SAMD12: variants seen among roughly 807,000 people sequenced by gnomAD.
SAMD12 encodes the protein sterile alpha motif domain-containing protein 12.
SAMD12 carries 9 observed loss-of-function variants against 15.0 expected under a neutral mutation model. The observed-to-expected ratio is 0.60, with a 90% confidence interval of 0.36 to 1.05. The LOEUF (loss-of-function observed/expected upper bound fraction) is 1.05, where lower values mean the gene tolerates loss of function less well. Ranked by LOEUF, SAMD12 falls within the 50% of genes least tolerant of loss-of-function variation. The pLI, the probability that SAMD12 is intolerant of heterozygous loss-of-function variation, is 0.01. For synonymous variants in SAMD12, 86 were observed against 90.1 expected (o/e 0.96, Z 0.25); for missense variants, 230 against 234.2 (o/e 0.98, Z 0.12).
rs1828414243 is a variant in SAMD12, at chr8:118,621,747, G to T, written c.13+57C>A. 2.9e-5 allele frequency: 46 copies of T among 1,597,534 alleles called. No homozygotes were observed. The South Asian group carries it at 4.4e-4, about 15-fold the overall frequency. On this transcript the variant is annotated intron_variant, in intron 1 of 3. Coordinates refer to ENST00000314727, the MANE Select transcript of SAMD12 (RefSeq NM_207506.3). The stretch of plus-strand genomic sequence containing the variant: ...GATCGCCAAGCTTCATCGGGGATGT[G>T]TGCCTTGGGGTGCGCGGGTTAAGAG...
intron 4 of SAMD12, among the ~76,000 whole-genome samples, chr8:118,288,061 G>A (rs1446897888): frequency 1.3e-5 from 2 of 152,134 alleles, no homozygotes; most frequent in African/African-American, 4.8e-5. Context: ...AAGACCAAGC[G>A]TGGGCCTATG....
chr8:118,552,155 G>A (rs1684933744), intron 2 of SAMD12, among the ~76,000 whole-genome samples: 1 of 152,148 alleles, frequency 6.6e-6, no homozygotes, highest in South Asian at 2.1e-4. Flanking sequence ...GAAAAAGAGG[G>A]AATCCTCCCT....
At chr8:118,323,782 T>G (rs1404766144) in intron 4 of SAMD12, among the ~76,000 whole-genome samples, 1 of 151,936 alleles carries the variant, frequency 6.6e-6, no homozygotes, top group African/African-American at 2.4e-5. Context: ...TATGCCTCAC[T>G]TTCCTTCCCT....
chr8:118,252,859 T>C (rs1812851310), intron 4 of SAMD12, among the ~76,000 whole-genome samples: 1 of 152,178 alleles, frequency 6.6e-6, no homozygotes, highest in Non-Finnish European at 1.5e-5. Context: ...AAGTCCCACC[T>C]TTTATCCTTT....
chr8:118,414,716 G>T (rs1305961788), intron 3 of SAMD12, among the ~76,000 whole-genome samples: 2 of 152,120 alleles, frequency 1.3e-5, no homozygotes, highest in African/African-American at 2.4e-5. Flanking sequence ...GGCATTGCTT[G>T]TACGGCAGTA....
intron 3 of SAMD12, among the ~76,000 whole-genome samples, chr8:118,398,025 G>A (rs1820670650): frequency 1.3e-5 from 2 of 152,296 alleles, no homozygotes; most frequent in Admixed American, 6.5e-5. Context: ...CTGGGCTCAG[G>A]TGATCCACCT....
At chr8:118,198,998 TAAGTA>T (rs1184890618) in intron 4 of SAMD12, among the ~76,000 whole-genome samples, 4 of 152,180 alleles carry the variant, frequency 2.6e-5, no homozygotes, top group African/African-American at 9.6e-5. Context: ...AGATTTAGGT[TAAGTA>T]AATTATGGTA....
intron 2 of SAMD12, among the ~76,000 whole-genome samples, chr8:118,548,096 G>C (rs928280138): frequency 2.6e-5 from 4 of 152,108 alleles, no homozygotes; most frequent in African/African-American, 9.7e-5. Context: ...AAATTAGTGA[G>C]AGAATAGACA....
intron 3 of SAMD12, 77 bp downstream of exon 3, chr8:118,439,755 T>C (rs1255786660): frequency 2.8e-6 from 4 of 1,408,858 alleles, no homozygotes; most frequent in Non-Finnish European, 4.0e-6. Flanking sequence ...TGTTGTTTCA[T>C]GGTAAGGGTA....
intron 2 of SAMD12, among the ~76,000 whole-genome samples, chr8:118,480,141 C>CAGT (rs1207830383): frequency 1.3e-5 from 2 of 152,190 alleles, no homozygotes; most frequent in Non-Finnish European, 2.9e-5. Context: ...ATTCCAGCTT[C>CAGT]AGTAGCAGGG....
intron 4 of SAMD12, among the ~76,000 whole-genome samples, chr8:118,264,119 A>G (rs151180022): frequency 1.8e-4 from 28 of 152,232 alleles, no homozygotes; most frequent in African/African-American, 6.3e-4. Flanking sequence ...CATCAACACA[A>G]TCTTCTAGTT....
At chr8:118,416,613 A>G (rs937423506) in intron 3 of SAMD12, among the ~76,000 whole-genome samples, 7 of 152,204 alleles carry the variant, frequency 4.6e-5, no homozygotes, top group Non-Finnish European at 1.0e-4. Context: ...AATGGTACAC[A>G]ATTTCATTCA....
At chr8:118,180,208 A>C in the SAMD12 span, among the ~76,000 whole-genome samples, 24 of 152,312 alleles carry the variant, frequency 1.6e-4, no homozygotes, top group African/African-American at 3.6e-4. Flanking sequence ...CTGGAGAACT[A>C]GAATATCTAT....
In SAMD12 at chr8:118,200,425, C is replaced by G. The variant is rs1014432086; in HGVS notation, c.434-2693G>C. ...TACCAAAAAAAAAAAAAAAAAAAAT[C>G]AGAGGCTAAAATGAATTTATATTAG... is the stretch of plus-strand genomic sequence containing the variant. On this transcript the variant is annotated intron_variant, in intron 4 of 4. Coordinates refer to the SAMD12 transcript ENST00000409003. Among the ~76,000 whole-genome samples, 147 of 118,520 alleles carry G rather than the reference C, an allele frequency of 1.2e-3. 2 individuals carry two copies. Among genetic ancestry groups the G allele is most frequent in the African/African-American group, 4.6e-3 (144 of 31,034 alleles). The allele number at this position is 118,520 out of a possible 152,430, so 77.8% of individuals were successfully genotyped here. A position where few individuals can be genotyped will look rare whatever the true frequency, so the allele number is the denominator to read the frequency against.
chr8:118,424,476 A>G (rs145278395), intron 3 of SAMD12, among the ~76,000 whole-genome samples: 62 of 152,322 alleles, frequency 4.1e-4, no homozygotes, highest in African/African-American at 1.4e-3. Flanking sequence ...AATGTATTCT[A>G]TTGCAGGTCA....
intron 3 of SAMD12, among the ~76,000 whole-genome samples, chr8:118,402,734 T>G (rs569917400): frequency 2.0e-5 from 3 of 152,202 alleles, no homozygotes; most frequent in African/African-American, 4.8e-5. Flanking sequence ...TGTCTGATAA[T>G]GTAAAAGCAT....
chr8:118,542,890 C>G (rs1412977667), intron 2 of SAMD12, among the ~76,000 whole-genome samples: 1 of 152,028 alleles, frequency 6.6e-6, no homozygotes, highest in Non-Finnish European at 1.5e-5. Flanking sequence ...CAAGGTTGTC[C>G]CTAGCCTACA....
intron 4 of SAMD12, among the ~76,000 whole-genome samples, chr8:118,241,318 C>G (rs1033448609): frequency 6.6e-5 from 10 of 152,096 alleles, no homozygotes; most frequent in African/African-American, 2.4e-4. Context: ...CATAAATTAT[C>G]TGTACTCATC....
intron 4 of SAMD12, among the ~76,000 whole-genome samples, chr8:118,308,877 T>C (rs771734152): frequency 6.6e-6 from 1 of 152,306 alleles, no homozygotes; most frequent in East Asian, 1.9e-4. Context: ...ATTTTGATTA[T>C]GGTCATGCTT....
Sources: gnomAD v4.1 joint callset for allele counts (sites outside exome capture counted in the v4.1 genomes callset) on GRCh38, gnomAD v4.1.1 for gene constraint, MANE v1.5 for transcripts, NCBI Gene and HGNC (gene_info 2026-07-23, HGNC 2026-07-21) for gene names.